PLEKHA5: variants seen among roughly 807,000 people sequenced by gnomAD.
The protein encoded by PLEKHA5 is pleckstrin homology domain-containing family A member 5.
A neutral mutation model predicts 181.9 loss-of-function variants in PLEKHA5; 55 were observed. That is an observed-to-expected ratio of 0.30 (90% CI 0.24 to 0.38). The LOEUF (loss-of-function observed/expected upper bound fraction) is 0.38. PLEKHA5 is among the 10% of genes least tolerant of loss of function. The pLI, the probability that PLEKHA5 is intolerant of heterozygous loss-of-function variation, is 1.00. For synonymous variants in PLEKHA5, 535 were observed against 529.4 expected (o/e 1.01, Z -0.15); for missense variants, 1,432 against 1,549.5 (o/e 0.92, Z 1.27).
At chr12:19,297,537 G>A (rs2152887889) in intron 15 of PLEKHA5, among the ~76,000 whole-genome samples, 1 of 150,318 alleles carries the variant, frequency 6.7e-6, no homozygotes, top group African/African-American at 2.4e-5. Context: ...CAGGAGAATG[G>A]CGTGAACCCG....
intron 15 of PLEKHA5, among the ~76,000 whole-genome samples, chr12:19,302,013 A>G (rs965189173): frequency 6.6e-6 from 1 of 152,202 alleles, no homozygotes; most frequent in East Asian, 1.9e-4. Context: ...CCCTGGGCAC[A>G]TCAAATTCTT....
chr12:19,132,569 G>T, intron 3 of PLEKHA5, 119 bp downstream of exon 3: 1 of 632,558 alleles, frequency 1.6e-6, no homozygotes, highest in South Asian at 1.9e-5. Context: ...ATATAATGGT[G>T]ACTGTATTCT....
chr12:19,271,341 C>T (rs1051932781), intron 10 of PLEKHA5, among the ~76,000 whole-genome samples: 2 of 151,888 alleles, frequency 1.3e-5, no homozygotes, highest in Non-Finnish European at 2.9e-5. Flanking sequence ...ACCATCTGTA[C>T]CAAAAATACA....
Position 19,143,868 on chromosome 12 carries a change from A to G in PLEKHA5, c.227+11418A>G, listed in dbSNP as rs530439393. 2.6e-5 allele frequency among the ~76,000 whole-genome samples: 4 copies of G among 152,236 alleles called. No homozygotes were observed. The South Asian group carries it at 8.3e-4, about 32-fold the overall frequency. ...ATGAATATATGGTATTTATTCCTCT[A>G]CTTCCAGGTAACTTTGTTGTTTGTG... On this transcript the variant is annotated intron_variant, in intron 3 of 31. Transcript: ENST00000429027.
intron 15 of PLEKHA5, among the ~76,000 whole-genome samples, chr12:19,291,971 A>G (rs1375899899): frequency 6.6e-6 from 1 of 152,206 alleles, no homozygotes; most frequent in African/African-American, 2.4e-5. Context: ...TATCCCATTA[A>G]AACACCTACT....
chr12:19,307,683 C>CA, intron 15 of PLEKHA5: 1 of 341,028 alleles, frequency 2.9e-6, no homozygotes, highest in Non-Finnish European at 5.9e-6. Flanking sequence ...AAGCCCAAGA[C>CA]AGAGAAGATC....
At chr12:19,375,194 T>C (rs558402789) in intron 31 of PLEKHA5, among the ~76,000 whole-genome samples, 2 of 152,004 alleles carry the variant, frequency 1.3e-5, no homozygotes, top group African/African-American at 4.8e-5. Context: ...CATGGTGATA[T>C]GTGCCTGTAA....
intron 11 of PLEKHA5, among the ~76,000 whole-genome samples, chr12:19,279,673 AT>A (rs2075548721): frequency 6.6e-6 from 1 of 151,498 alleles, no homozygotes; most frequent in Admixed American, 6.6e-5. Context: ...AAAAAAAAAA[AT>A]ACATACATAT....
intron 3 of PLEKHA5, among the ~76,000 whole-genome samples, chr12:19,226,717 G>A (rs2059744573): frequency 6.6e-6 from 1 of 152,152 alleles, no homozygotes. Flanking sequence ...TTTGTGTTTG[G>A]ATAGTCGTAA....
chr12:19,228,563 A>C (rs1378368948), intron 3 of PLEKHA5, among the ~76,000 whole-genome samples: 3 of 152,224 alleles, frequency 2.0e-5, no homozygotes, highest in Admixed American at 6.5e-5. Flanking sequence ...CAATTATATG[A>C]GGAAGATGTT....
chr12:19,173,749 A>G (rs1017055634), intron 3 of PLEKHA5, among the ~76,000 whole-genome samples: 24 of 152,198 alleles, frequency 1.6e-4, no homozygotes, highest in Non-Finnish European at 2.6e-4. Context: ...AATTAACTTT[A>G]TCATTTAAAA....
chr12:19,185,764 C>T (rs886171359), intron 3 of PLEKHA5, among the ~76,000 whole-genome samples: 4 of 152,084 alleles, frequency 2.6e-5, no homozygotes, highest in African/African-American at 9.7e-5. Flanking sequence ...CGGGAGTCTC[C>T]ATATCTGTAG....
chr12:19,191,374 C>T (rs548621818), intron 3 of PLEKHA5, among the ~76,000 whole-genome samples: 1 of 152,178 alleles, frequency 6.6e-6, no homozygotes, highest in Non-Finnish European at 1.5e-5. Context: ...TGACACACAG[C>T]TTCCCACACT....
intron 3 of PLEKHA5, among the ~76,000 whole-genome samples, chr12:19,143,781 A>G (rs561532306): frequency 6.6e-6 from 1 of 152,280 alleles, no homozygotes; most frequent in African/African-American, 2.4e-5. Context: ...CTGTATTAGT[A>G]TCCTTATATC....
At chr12:19,138,834 G>GGAT (rs2036463443) in intron 3 of PLEKHA5, among the ~76,000 whole-genome samples, 1 of 152,130 alleles carries the variant, frequency 6.6e-6, no homozygotes, top group Admixed American at 6.5e-5. Flanking sequence ...GAAAATGCTA[G>GGAT]GATGATGGGA....
At chr12:19,290,364 T>C (rs1198964328) in intron 13 of PLEKHA5, among the ~76,000 whole-genome samples, 1 of 152,250 alleles carries the variant, frequency 6.6e-6, no homozygotes, top group Non-Finnish European at 1.5e-5. Flanking sequence ...TTAGTAGCAC[T>C]TATGTACAAA....
At chr12:19,337,240 T>G (rs933265635) in intron 21 of PLEKHA5, among the ~76,000 whole-genome samples, 11 of 152,064 alleles carry the variant, frequency 7.2e-5, no homozygotes, top group African/African-American at 2.4e-4. Context: ...GGGTTAGTTT[T>G]CTTATCTATA....
Position 19,358,247 on chromosome 12 carries a change from T to C in PLEKHA5, c.3158T>C (p.Val1053Ala). The change falls in exon 27 of 32, where the codon GTG becomes GCG. Residue 1053 changes from valine to alanine, a missense_variant. This residue lies in a region of PLEKHA5 where 1,143 missense variants were observed against 1,168.4 expected (regional missense o/e 0.98). Transcript: ENST00000429027. ...DLRTERPRSA[V>A]EQLCLAESTR... is the part of the protein sequence containing the mutation. ...TTGAAGGAAAGACCAAGAAGTGCAG[T>C]GGAACAGCTCTGTTTGGCTGAAAGT... is the stretch of plus-strand genomic sequence containing the variant. 6.2e-7 allele frequency: 1 copy of C among 1,613,494 alleles called. No individual in the cohort carries two copies. The highest frequency in any genetic ancestry group is 8.5e-7 in the Non-Finnish European group (1 of 1,179,500).
chr12:19,280,168 A>G (rs1462592156), intron 11 of PLEKHA5, among the ~76,000 whole-genome samples: 1 of 147,026 alleles, frequency 6.8e-6, no homozygotes, highest in Non-Finnish European at 1.5e-5. Flanking sequence ...TCCTGCCTCA[A>G]CCTCCCGAGT....
Sources: allele counts gnomAD v4.1 joint callset (sites outside exome capture counted in the v4.1 genomes callset), GRCh38; gene constraint gnomAD v4.1.1; regional missense constraint gnomAD v4.1.1; transcripts MANE v1.5; gene names NCBI Gene and HGNC (gene_info 2026-07-23, HGNC 2026-07-21).